MAGI3: variants seen among roughly 807,000 people sequenced by gnomAD.
MAGI3 encodes the protein membrane associated guanylate kinase, WW and PDZ domain containing 3, also known as membrane-associated guanylate kinase, WW and PDZ domain-containing protein 3.
A neutral mutation model predicts 121.8 loss-of-function variants in MAGI3; 43 were observed. That is an observed-to-expected ratio of 0.35 (90% CI 0.28 to 0.46). The LOEUF (loss-of-function observed/expected upper bound fraction) is 0.46, where lower values mean the gene tolerates loss of function less well. MAGI3 is among the 20% of genes least tolerant of loss of function. The pLI, the probability that MAGI3 is intolerant of heterozygous loss-of-function variation, is 1.00. For synonymous variants in MAGI3, 553 were observed against 639.3 expected, an observed-to-expected ratio of 0.86 and a Z score of 2.04; for missense variants, 1,547 against 1,797.3, an observed-to-expected ratio of 0.86 and a Z score of 2.52.
chr1:113,481,997 A>T (rs914733114), intron 1 of MAGI3, among the ~76,000 whole-genome samples: 2 of 151,710 alleles, frequency 1.3e-5, no homozygotes, highest in African/African-American at 4.8e-5. Context: ...TTGTAATCCC[A>T]TGAAACATAG....
chr1:113,622,143 A>G (rs1392099960), intron 8 of MAGI3, among the ~76,000 whole-genome samples: 1 of 152,212 alleles, frequency 6.6e-6, no homozygotes, highest in Non-Finnish European at 1.5e-5. Flanking sequence ...ATGGCAGAAC[A>G]TTTAAAATCT....
chr1:113,572,927 G>A (rs1197695359), intron 2 of MAGI3, among the ~76,000 whole-genome samples: 2 of 150,874 alleles, frequency 1.3e-5, no homozygotes, highest in African/African-American at 4.9e-5. Flanking sequence ...CTTCTGTTCT[G>A]CTAGCTTTTT....
At position 113,578,891 on chromosome 1, in the gene MAGI3, G is replaced by A. The variant is rs147477711; in HGVS notation, c.434-1651G>A. Among the ~76,000 whole-genome samples, 859 of 152,044 alleles carry A rather than the reference G, an allele frequency of 5.6e-3. 3 individuals are homozygous for A. Among genetic ancestry groups the A allele is most frequent in the Non-Finnish European group, 8.8e-3 (600 of 67,980 alleles). On this transcript the variant is annotated intron_variant, in intron 2 of 20. Coordinates refer to ENST00000307546, the MANE Select transcript of MAGI3 (RefSeq NM_001142782.2). ...GGGGAGAAAATTCAATATAGTCTTT[G>A]TTGCACAGAATGTTGACATAATCAT...
Position 113,486,014 on chromosome 1 carries a change from T to C in MAGI3, c.317-63501T>C, listed in dbSNP as rs1021660437. ...TTTCTGGGTTCTCTATTCTGTTCCA[T>C]TGGTCTTTGTGCCTATTTTTATACC... On this transcript the variant is annotated intron_variant, in intron 1 of 20. Transcript: ENST00000307546. Among the ~76,000 whole-genome samples the C allele has an allele frequency of 4.6e-5, 7 of 152,348 alleles. No individual in the cohort carries two copies. The East Asian group carries it at 1.4e-3, about 29-fold the overall frequency.
intron 1 of MAGI3, among the ~76,000 whole-genome samples, chr1:113,393,742 A>G (rs1214816032): frequency 6.6e-6 from 1 of 152,244 alleles, no homozygotes; most frequent in Non-Finnish European, 1.5e-5. Flanking sequence ...TTTGGAAAGG[A>G]TGAAAATAGA....
intron 1 of MAGI3, among the ~76,000 whole-genome samples, chr1:113,441,973 C>A (rs1300690543): frequency 6.6e-6 from 1 of 152,092 alleles, no homozygotes; most frequent in Non-Finnish European, 1.5e-5. Flanking sequence ...CATTCTTTGG[C>A]TTAACTAAAT....
Position 113,580,709 on chromosome 1 carries a change from AC to A in MAGI3, c.553+49del, listed in dbSNP as rs745386576. The A allele has an allele frequency of 1.6e-4, 238 of 1,504,030 alleles. 2 individuals carry two copies. In the South Asian group the frequency reaches 2.7e-3, roughly 17 times the overall value. 93.2% of individuals were successfully genotyped at this position (1,504,030 alleles called of 1,614,324 possible). On this transcript the variant is annotated intron_variant, in intron 3 of 20. Transcript: ENST00000307546. ...TACCACCCAAAAAACTATCTGAACGACTGGAATTATTTCAGAGGGAATTTGA... is the reference window on the plus strand; with the variant it reads ...TACCACCCAAAAAACTATCTGAACGATGGAATTATTTCAGAGGGAATTTGA...
intron 9 of MAGI3, among the ~76,000 whole-genome samples, chr1:113,641,065 TATATATAATATATATGAG>T (rs1332043634): frequency 4.0e-4 from 22 of 54,508 alleles, no homozygotes; most frequent in Non-Finnish European, 8.0e-4. Flanking sequence ...TTATATATGA[TATATATAATATATATGAG>T]ATATATATTA....
chr1:113,637,599 A>G (rs956374298), intron 9 of MAGI3, among the ~76,000 whole-genome samples: 15 of 152,138 alleles, frequency 9.9e-5, no homozygotes, highest in Admixed American at 6.5e-4. Flanking sequence ...CAAGAGATCC[A>G]CTGTTAGTCT....
chr1:113,431,472 A>G (rs1156651149), intron 1 of MAGI3, among the ~76,000 whole-genome samples: 2 of 152,222 alleles, frequency 1.3e-5, no homozygotes, highest in African/African-American at 4.8e-5. Flanking sequence ...TTATTTGTAG[A>G]TGATACTATT....
chr1:113,660,524 A>C (rs937801183), intron 16 of MAGI3, among the ~76,000 whole-genome samples: 1 of 151,978 alleles, frequency 6.6e-6, no homozygotes, highest in Admixed American at 6.6e-5. Flanking sequence ...ACTTCACTGG[A>C]CATCATTCTT....
At chr1:113,405,065 G>A (rs558711417) in intron 1 of MAGI3, among the ~76,000 whole-genome samples, 13 of 152,288 alleles carry the variant, frequency 8.5e-5, no homozygotes, top group African/African-American at 3.1e-4. Flanking sequence ...ATTTTCTGAT[G>A]TAGATAAATA....
chr1:113,391,373 C>T lies in MAGI3; in HGVS notation c.316+24C>T, dbSNP rs1379447629. ...AGGTACGCCGGCCCTGCGTATCTGT[C>T]TCGGGGTGTTGGGGAGAGGGGCTTC... On this transcript the variant is annotated intron_variant, in intron 1 of 20. Transcript: ENST00000307546. This position sits in a 1 kb window ranked among gnomAD's most constrained non-coding sequence, Gnocchi z 4.4. 1.3e-6 allele frequency: 2 copies of T among 1,570,222 alleles called. No homozygotes were observed. Among genetic ancestry groups the T allele is most frequent in the African/African-American group, 2.7e-5 (2 of 73,510 alleles).
At chr1:113,536,475 A>T (rs561802464) in intron 1 of MAGI3, among the ~76,000 whole-genome samples, 2 of 152,140 alleles carry the variant, frequency 1.3e-5, no homozygotes, top group Non-Finnish European at 2.9e-5. Flanking sequence ...TTCTGTTGGC[A>T]TATATTCATG....
At chr1:113,460,101 C>T (rs1654956530) in intron 1 of MAGI3, among the ~76,000 whole-genome samples, 1 of 152,174 alleles carries the variant, frequency 6.6e-6, no homozygotes, top group Non-Finnish European at 1.5e-5. Flanking sequence ...CCCTGGGATG[C>T]AAGATTGGTT....
intron 1 of MAGI3, among the ~76,000 whole-genome samples, chr1:113,407,735 C>T (rs1470742878): frequency 1.3e-5 from 2 of 151,988 alleles, no homozygotes; most frequent in African/African-American, 4.8e-5. Context: ...GATCAGCATG[C>T]AGGTTACCAT....
chr1:113,615,976 A>G (rs1219546355), intron 7 of MAGI3, among the ~76,000 whole-genome samples: 1 of 152,158 alleles, frequency 6.6e-6, no homozygotes, highest in Non-Finnish European at 1.5e-5. Context: ...ATTGGGCTCT[A>G]ATCAGCTATT....
chr1:113,618,344 A>T (rs892685355), intron 7 of MAGI3, among the ~76,000 whole-genome samples: 11 of 152,122 alleles, frequency 7.2e-5, no homozygotes, highest in South Asian at 2.1e-4. Flanking sequence ...CTCCAAAAAA[A>T]AAATAAATAA....
At chr1:113,406,167 G>C (rs1651669624) in intron 1 of MAGI3, among the ~76,000 whole-genome samples, 1 of 151,398 alleles carries the variant, frequency 6.6e-6, no homozygotes, top group South Asian at 2.1e-4. Flanking sequence ...GGCCGGACAT[G>C]ATGGCTCACA....
Sources: allele counts gnomAD v4.1 joint callset (sites outside exome capture counted in the v4.1 genomes callset), GRCh38; gene constraint gnomAD v4.1.1; non-coding constraint Gnocchi (gnomAD v3.1); transcripts MANE v1.5; gene names NCBI Gene and HGNC (gene_info 2026-07-23, HGNC 2026-07-21).